The following EYA2 variants were observed in gnomAD, a reference collection of about 807,000 sequenced individuals.
EYA2 encodes the protein EYA transcriptional coactivator and phosphatase 2.
EYA2 carries 31 observed loss-of-function variants against 69.2 expected under a neutral mutation model. The observed-to-expected ratio is 0.45, with a 90% CI of 0.34 to 0.60. The LOEUF (loss-of-function observed/expected upper bound fraction) is 0.60. Ranked by LOEUF, EYA2 falls within the 20% of genes least tolerant of loss-of-function variation. EYA2 has a pLI of 0.02. For missense variants in EYA2, 622 were observed against 701.2 expected, an observed-to-expected ratio of 0.89 and a Z score of 1.28; for synonymous variants, 257 against 279.4, an observed-to-expected ratio of 0.92 and a Z score of 0.80.
chr20:47,130,655 A>G (rs532888343), intron 9 of EYA2, among the ~76,000 whole-genome samples: 2 of 152,314 alleles, frequency 1.3e-5, no homozygotes, highest in African/African-American at 4.8e-5. Context: ...GTCTGATACT[A>G]CCACCCACTT....
At chr20:46,992,936 AT>A (rs1242029898) in intron 2 of EYA2, among the ~76,000 whole-genome samples, 4 of 151,970 alleles carry the variant, frequency 2.6e-5, no homozygotes, top group Admixed American at 2.6e-4. Flanking sequence ...CTCCTGGGCC[AT>A]TCCTTCTATT....
chr20:47,174,529 C>T (rs1600771097), intron 12 of EYA2, among the ~76,000 whole-genome samples: 1 of 152,226 alleles, frequency 6.6e-6, no homozygotes, highest in African/African-American at 2.4e-5. Context: ...TCCCCTGCGT[C>T]TTCTACTGTC....
At chr20:46,942,609 G>A (rs1986204133) in intron 1 of EYA2, among the ~76,000 whole-genome samples, 1 of 152,206 alleles carries the variant, frequency 6.6e-6, no homozygotes, top group Admixed American at 6.5e-5. Context: ...GGATCACACA[G>A]CTGGGCTCTG....
chr20:47,158,854 TAATAA>T (rs1306710035), intron 10 of EYA2, among the ~76,000 whole-genome samples: 3 of 151,374 alleles, frequency 2.0e-5, no homozygotes, highest in Non-Finnish European at 2.9e-5. Flanking sequence ...AAAGCTGGAG[TAATAA>T]AATAAATAAT....
intron 14 of EYA2, among the ~76,000 whole-genome samples, chr20:47,181,483 G>T (rs992667974): frequency 6.6e-6 from 1 of 152,114 alleles, no homozygotes; most frequent in Non-Finnish European, 1.5e-5. Flanking sequence ...GCTTAGTCAC[G>T]TGGCCACAAG....
At chr20:46,989,531 T>C (rs1265504439) in intron 1 of EYA2, among the ~76,000 whole-genome samples, 1 of 152,138 alleles carries the variant, frequency 6.6e-6, no homozygotes, top group East Asian at 1.9e-4. Flanking sequence ...CGTCCCAAAG[T>C]GCTGGGATTA....
intron 9 of EYA2, among the ~76,000 whole-genome samples, chr20:47,137,041 C>T (rs1269955603): frequency 2.0e-5 from 3 of 152,122 alleles, no homozygotes; most frequent in Non-Finnish European, 4.4e-5. Context: ...CCACCCCCAC[C>T]CCTTAGCCCC....
chr20:47,038,347 C>T (rs1438715733), intron 5 of EYA2, among the ~76,000 whole-genome samples: 1 of 151,948 alleles, frequency 6.6e-6, no homozygotes, highest in Non-Finnish European at 1.5e-5. Flanking sequence ...AAAAATTAGC[C>T]AGGCATGGTG....
At chr20:47,064,823 C>G (rs2031048137) in intron 5 of EYA2, among the ~76,000 whole-genome samples, 1 of 152,166 alleles carries the variant, frequency 6.6e-6, no homozygotes, top group South Asian at 2.1e-4. Context: ...AGTCACTGTA[C>G]ATAGCATCCC....
intron 2 of EYA2, among the ~76,000 whole-genome samples, chr20:47,000,854 A>T (rs1371753187): frequency 1.3e-5 from 2 of 152,142 alleles, no homozygotes; most frequent in Non-Finnish European, 1.5e-5. Flanking sequence ...TGTTGGGGCC[A>T]GCTGCACCTG....
At chr20:47,045,909 T>C (rs1348577680) in intron 5 of EYA2, among the ~76,000 whole-genome samples, 1 of 152,248 alleles carries the variant, frequency 6.6e-6, no homozygotes, top group Non-Finnish European at 1.5e-5. Flanking sequence ...TCTTCTCATC[T>C]TGCTGTTCCA....
At chr20:47,033,037 C>A (rs539279763) in intron 5 of EYA2, among the ~76,000 whole-genome samples, 1 of 152,196 alleles carries the variant, frequency 6.6e-6, no homozygotes, top group African/African-American at 2.4e-5. Flanking sequence ...TCTGCTACTC[C>A]AGCCCTAAAC....
intron 10 of EYA2, among the ~76,000 whole-genome samples, chr20:47,164,368 C>T (rs1422487828): frequency 6.6e-6 from 1 of 152,188 alleles, no homozygotes; most frequent in Non-Finnish European, 1.5e-5. Context: ...AACAGAGCCT[C>T]CCCAAATGCC....
chr20:47,084,410 G>T (rs938124860), intron 7 of EYA2, among the ~76,000 whole-genome samples: 3 of 152,040 alleles, frequency 2.0e-5, no homozygotes, highest in Admixed American at 2.0e-4. Context: ...GTGTTGTGGT[G>T]CAGGCTCGTA....
chr20:47,124,988 A>G (rs2033142590), intron 9 of EYA2, among the ~76,000 whole-genome samples: 1 of 151,202 alleles, frequency 6.6e-6, no homozygotes, highest in Non-Finnish European at 1.5e-5. Context: ...ATCATTTGTC[A>G]TGAGTTTGAC....
At chr20:46,913,021 G>C (rs928147037) in intron 1 of EYA2, among the ~76,000 whole-genome samples, 8 of 152,198 alleles carry the variant, frequency 5.3e-5, no homozygotes, top group African/African-American at 1.9e-4. Flanking sequence ...TTTAAATAGG[G>C]TGGCCACTGT....
At chr20:47,006,018 GTCC>G (rs1230166160) in intron 4 of EYA2, among the ~76,000 whole-genome samples, 2 of 152,210 alleles carry the variant, frequency 1.3e-5, no homozygotes, top group African/African-American at 4.8e-5. Context: ...CTGGGTCCAG[GTCC>G]TCAAGGTATA....
intron 9 of EYA2, among the ~76,000 whole-genome samples, chr20:47,099,540 A>G (rs571339991): frequency 6.6e-6 from 1 of 152,336 alleles, no homozygotes; most frequent in South Asian, 2.1e-4. Context: ...ATCAATAAAA[A>G]GAGAGCCCCA....
At chr20:47,186,223 C>G (rs555221676) in intron 15 of EYA2, among the ~76,000 whole-genome samples, 2 of 152,230 alleles carry the variant, frequency 1.3e-5, no homozygotes, top group South Asian at 4.1e-4. Flanking sequence ...GTGTTTGTGA[C>G]CTGTACAGAA....
Sources: allele counts gnomAD v4.1 joint callset (sites outside exome capture counted in the v4.1 genomes callset), GRCh38; gene constraint gnomAD v4.1.1; transcripts MANE v1.5; gene names NCBI Gene and HGNC (gene_info 2026-07-23, HGNC 2026-07-21).